GPC5: variants seen among roughly 807,000 people sequenced by gnomAD.
The protein encoded by GPC5 is glypican 5.
In GPC5, 47 loss-of-function variants were observed where a neutral mutation model predicts 53.9. The ratio of observed to expected loss-of-function variants is 0.87; its 90% CI spans 0.69 to 1.11. GPC5 has a LOEUF of 1.11. Among genes scored for constraint, GPC5 ranks in the 50% most tolerant of loss-of-function variants. GPC5 has a pLI of 0.00. For missense variants in GPC5, 748 were observed against 713.1 expected (o/e 1.05, Z -0.56); for synonymous variants, 286 against 263.3 (o/e 1.09, Z -0.84).
chr13:92,159,758 A>G (rs896891296), intron 7 of GPC5, among the ~76,000 whole-genome samples: 3 of 150,430 alleles, frequency 2.0e-5, no homozygotes, highest in African/African-American at 7.3e-5. Flanking sequence ...GCCCGTCACC[A>G]CGCCCTGCTA....
At chr13:92,317,469 G>T (rs1438747395) in intron 7 of GPC5, among the ~76,000 whole-genome samples, 2 of 149,360 alleles carry the variant, frequency 1.3e-5, no homozygotes, top group African/African-American at 2.6e-5. Flanking sequence ...TACCTTTTCC[G>T]TTTTTTTGTT....
chr13:91,451,900 G>A (rs1490016577), intron 2 of GPC5, among the ~76,000 whole-genome samples: 1 of 152,030 alleles, frequency 6.6e-6, no homozygotes, highest in Non-Finnish European at 1.5e-5. Flanking sequence ...ACAGGTGTGA[G>A]CCACCATGCC....
intron 7 of GPC5, among the ~76,000 whole-genome samples, chr13:92,600,663 A>AAT (rs1555294094): frequency 2.2e-5 from 3 of 139,220 alleles, no homozygotes; most frequent in Non-Finnish European, 4.6e-5. Context: ...ACACCCAGCT[A>AAT]TTTTTTTTTT....
chr13:92,011,417 C>A (rs2040660515), intron 6 of GPC5, among the ~76,000 whole-genome samples: 1 of 152,196 alleles, frequency 6.6e-6, no homozygotes, highest in African/African-American at 2.4e-5. Context: ...CTACCCCTTC[C>A]TGATAAATAT....
At chr13:91,797,332 T>G (rs2038062388) in intron 5 of GPC5, among the ~76,000 whole-genome samples, 2 of 152,172 alleles carry the variant, frequency 1.3e-5, no homozygotes, top group Admixed American at 6.6e-5. Flanking sequence ...CAAAAAGTAG[T>G]GGCATTTTTG....
chr13:92,831,537 TC>T (rs1210795475), intron 7 of GPC5, among the ~76,000 whole-genome samples: 1 of 152,142 alleles, frequency 6.6e-6, no homozygotes, highest in East Asian at 1.9e-4. Context: ...ATTAAGTTAC[TC>T]TATTAGCAGT....
At chr13:91,580,640 G>A (rs2032325929) in intron 2 of GPC5, among the ~76,000 whole-genome samples, 1 of 152,176 alleles carries the variant, frequency 6.6e-6, no homozygotes, top group African/African-American at 2.4e-5. Context: ...ACCTTTGGAA[G>A]CAGTCACTGA....
rs146303862 is a variant in GPC5, at chr13:92,625,610, C to T, written c.1562-240672C>T. 1.4e-3 allele frequency among the ~76,000 whole-genome samples: 206 copies of T among 152,306 alleles called. 1 individual carries two copies. Among genetic ancestry groups the T allele is most frequent in the African/African-American group, 4.7e-3 (194 of 41,564 alleles). On this transcript the variant is annotated intron_variant, in intron 7 of 7. Transcript: ENST00000377067. ...TGAGCCTTCTGCCAGCTTCCCCCTA[C>T]TCAACTAACGAAGACCTTTTAGGAC... is the stretch of plus-strand genomic sequence containing the variant.
intron 2 of GPC5, among the ~76,000 whole-genome samples, chr13:91,464,844 A>G (rs1451178771): frequency 2.0e-5 from 3 of 152,060 alleles, no homozygotes; most frequent in African/African-American, 7.2e-5. Flanking sequence ...TGCATACAAA[A>G]TCTGAGTAAG....
intron 7 of GPC5, among the ~76,000 whole-genome samples, chr13:92,334,099 A>G (rs910128944): frequency 1.3e-5 from 2 of 152,202 alleles, no homozygotes; most frequent in African/African-American, 2.4e-5. Context: ...AATATAGTCA[A>G]TCGCCTTCTG....
chr13:92,507,690 TAACTGGTAC>T (rs1880422169), intron 7 of GPC5, among the ~76,000 whole-genome samples: 1 of 152,182 alleles, frequency 6.6e-6, no homozygotes, highest in South Asian at 2.1e-4. Flanking sequence ...GAAAATGTTA[TAACTGGTAC>T]ATTATTTTGA....
chr13:91,985,779 G>T (rs2040401119), intron 6 of GPC5, among the ~76,000 whole-genome samples: 1 of 152,012 alleles, frequency 6.6e-6, no homozygotes, highest in Non-Finnish European at 1.5e-5. Context: ...TTCTACATAT[G>T]TTATAAACCC....
intron 7 of GPC5, among the ~76,000 whole-genome samples, chr13:92,650,421 C>T (rs1315328224): frequency 1.3e-5 from 2 of 152,058 alleles, no homozygotes; most frequent in African/African-American, 4.8e-5. Flanking sequence ...GAAAATTTCA[C>T]TTAATACAAA....
chr13:92,096,020 C>A (rs1179719308), intron 6 of GPC5, among the ~76,000 whole-genome samples: 1 of 152,156 alleles, frequency 6.6e-6, no homozygotes, highest in South Asian at 2.1e-4. Context: ...ATGTTGGGAC[C>A]ACAACCTAGC....
chr13:92,333,734 T>G (rs2043303620), intron 7 of GPC5, among the ~76,000 whole-genome samples: 1 of 151,970 alleles, frequency 6.6e-6, no homozygotes, highest in South Asian at 2.1e-4. Context: ...CAAGAAAGAA[T>G]TGCAAGGCAT....
chr13:92,502,258 G>A (rs9561080), intron 7 of GPC5, among the ~76,000 whole-genome samples: 121,414 of 151,812 alleles, frequency 0.8, 48,502 homozygotes, highest in Admixed American at 0.82. Flanking sequence ...TTTAAATAGA[G>A]TAAAAAAGAT....
chr13:91,728,412 T>A, intron 3 of GPC5, 120 bp from the exon 4 acceptor site: 1 of 769,428 alleles, frequency 1.3e-6, no homozygotes, highest in African/African-American at 1.8e-5. Flanking sequence ...ATATTATATT[T>A]AAGATTAATA....
intron 7 of GPC5, among the ~76,000 whole-genome samples, chr13:92,585,542 C>T (rs1289604378): frequency 1.3e-5 from 2 of 152,132 alleles, no homozygotes; most frequent in Non-Finnish European, 2.9e-5. Flanking sequence ...TGCCTTGTCT[C>T]AGATGAGACT....
intron 7 of GPC5, among the ~76,000 whole-genome samples, chr13:92,851,882 C>T (rs1382956948): frequency 3.1e-5 from 4 of 129,436 alleles, no homozygotes; most frequent in Non-Finnish European, 4.8e-5. Flanking sequence ...AGCAAGACTC[C>T]GTCTCAAAAA....
Sources: gnomAD v4.1 joint callset for allele counts (sites outside exome capture counted in the v4.1 genomes callset) on GRCh38, gnomAD v4.1.1 for gene constraint, MANE v1.5 for transcripts, NCBI Gene and HGNC (gene_info 2026-07-23, HGNC 2026-07-21) for gene names.